The following GPBP1 variants were observed in gnomAD, a reference collection of about 807,000 sequenced individuals.
GPBP1 encodes GC-rich promoter binding protein 1.
GPBP1 carries 13 observed loss-of-function variants against 56.5 expected under a neutral mutation model. The ratio of observed to expected loss-of-function variants is 0.23; its 90% confidence interval spans 0.15 to 0.37. The LOEUF (loss-of-function observed/expected upper bound fraction) is 0.37, where lower values mean the gene tolerates loss of function less well. Among genes scored for constraint, GPBP1 ranks in the 10% least tolerant of loss-of-function variants. The pLI is 1.00. For missense variants in GPBP1, 477 were observed against 572.3 expected (o/e 0.83, Z 1.70); for synonymous variants, 204 against 188.9 (o/e 1.08, Z -0.66).
intron 2 of GPBP1, among the ~76,000 whole-genome samples, chr5:57,197,360 C>CTTT (rs34110209): frequency 0.011 from 1,366 of 119,824 alleles, 72 homozygotes; most frequent in African/African-American, 0.042. Context: ...TATCATTTTG[C>CTTT]TTTTTTTTTT....
chr5:57,247,685 A>G (rs1055680256), intron 8 of GPBP1, among the ~76,000 whole-genome samples: 1 of 152,118 alleles, frequency 6.6e-6, no homozygotes, highest in African/African-American at 2.4e-5. Flanking sequence ...ACCCTGTCTC[A>G]AAAGTGGTGG....
chr5:57,193,740 G>A (rs1472237490), intron 2 of GPBP1, among the ~76,000 whole-genome samples: 1 of 151,674 alleles, frequency 6.6e-6, no homozygotes, highest in Non-Finnish European at 1.5e-5. Context: ...TGGGATGATT[G>A]GTCTTTAGCC....
chr5:57,219,418 A>AC lies in GPBP1; in HGVS notation c.63+5226dup, dbSNP rs1561348480. Among the ~76,000 whole-genome samples, 13 of 33,442 alleles carry AC rather than the reference A, an allele frequency of 3.9e-4. 1 individual carries two copies. The highest frequency in any genetic ancestry group is 4.8e-3 in the East Asian group (1 of 210). 21.9% of individuals were successfully genotyped at this position (33,442 alleles called of 152,430 possible). ...AAAAAAAAAAACCAAAAACAAACAA[A>AC]CAAAAAAAAAAACAACAAAACCACA... is the stretch of plus-strand genomic sequence containing the variant. On this transcript the variant is annotated intron_variant, in intron 3 of 11. Coordinates refer to ENST00000506184, the MANE Select transcript of GPBP1 (RefSeq NM_022913.4).
At chr5:57,220,101 T>A (rs570056588) in intron 3 of GPBP1, among the ~76,000 whole-genome samples, 42 of 151,694 alleles carry the variant, frequency 2.8e-4, no homozygotes, top group African/African-American at 1.0e-3. Flanking sequence ...AAAAAAAGCT[T>A]GTAAATACTT....
chr5:57,202,682 A>G (rs1032457139), intron 2 of GPBP1, among the ~76,000 whole-genome samples: 1 of 152,156 alleles, frequency 6.6e-6, no homozygotes, highest in Non-Finnish European at 1.5e-5. Flanking sequence ...GCTTGTCTAC[A>G]CTTCTAAGAG....
At chr5:57,181,867 CTG>C (rs919511219) in intron 2 of GPBP1, among the ~76,000 whole-genome samples, 9 of 152,274 alleles carry the variant, frequency 5.9e-5, no homozygotes, top group Non-Finnish European at 8.8e-5. Flanking sequence ...GTGGTTGTGA[CTG>C]TTTTTCAGTT....
Position 57,187,444 on chromosome 5 carries a change from C to A in GPBP1, c.-58+11044C>A, listed in dbSNP as rs115472550. Among the ~76,000 whole-genome samples the A allele has an allele frequency of 6.5e-3, 989 of 152,190 alleles. 12 individuals are homozygous for A. Among genetic ancestry groups the A allele is most frequent in the Middle Eastern group, 0.02 (6 of 294 alleles). ...ATTATGTGCTAGAGATTTCCTTTGC[C>A]TCAGGAAATGTTTGAGTGCCTATGG... On this transcript the variant is annotated intron_variant, in intron 2 of 11. Transcript: ENST00000506184.
intron 3 of GPBP1, among the ~76,000 whole-genome samples, chr5:57,218,903 A>G (rs1008188776): frequency 6.6e-6 from 1 of 152,198 alleles, no homozygotes; most frequent in Admixed American, 6.5e-5. Flanking sequence ...GGGTTTGAAG[A>G]TGGATCTTAG....
intron 2 of GPBP1, among the ~76,000 whole-genome samples, chr5:57,209,735 C>G (rs1379396505): frequency 2.0e-5 from 3 of 152,060 alleles, no homozygotes; most frequent in Non-Finnish European, 4.4e-5. Context: ...TTTTCTGCAT[C>G]AATTAAGATG....
chr5:57,215,259 C>T (rs1755653135), intron 3 of GPBP1, among the ~76,000 whole-genome samples: 1 of 152,168 alleles, frequency 6.6e-6, no homozygotes, highest in African/African-American at 2.4e-5. Context: ...TTAGTCCCTG[C>T]TGTACTCATT....
chr5:57,206,467 C>T (rs537152959), intron 2 of GPBP1, among the ~76,000 whole-genome samples: 4 of 152,188 alleles, frequency 2.6e-5, no homozygotes, highest in Middle Eastern at 3.4e-3. Flanking sequence ...AGCGCGATCC[C>T]GGCTCACTGC....
At position 57,251,008 on chromosome 5, in the gene GPBP1, A is replaced by G. The variant is rs754493808; in HGVS notation, c.1027A>G (p.Ile343Val). The change falls in exon 10 of 12, where the codon ATA becomes GTA. Residue 343 changes from isoleucine (I) to valine (V), a missense_variant. This residue lies in a region of GPBP1 where 414 missense variants were observed against 458.2 expected (regional missense o/e 0.90). Coordinates refer to ENST00000506184, the MANE Select transcript of GPBP1 (RefSeq NM_022913.4). ...NSNSTHQERD[I>V]NRNFDENEIP... Reference sequence around the variant, plus strand: ...CAATAGTACTCACCAAGAAAGGGATATAAACCGAAACTTCGATGAAAATGA... The same window carrying G: ...CAATAGTACTCACCAAGAAAGGGATGTAAACCGAAACTTCGATGAAAATGA... The G allele has an allele frequency of 2.5e-6, 4 of 1,612,808 alleles. No individual in the cohort carries two copies. Among genetic ancestry groups the G allele is most frequent in the Middle Eastern group, 3.3e-4 (2 of 6,056 alleles).
rs200589142 is a variant in GPBP1, at chr5:57,224,850, T to C, written c.64-5996T>C. ...ATGGAATCTAAATAATTCTAACTTA[T>C]TAGATTCTCTTGGGTTGACATCCTA... On this transcript the variant is annotated intron_variant, in intron 3 of 11. Coordinates refer to ENST00000506184, the MANE Select transcript of GPBP1 (RefSeq NM_022913.4). 8.6e-5 allele frequency among the ~76,000 whole-genome samples: 13 copies of C among 151,784 alleles called. No homozygotes were observed. The East Asian group carries it at 1.2e-3, about 14-fold the overall frequency.
At chr5:57,203,336 T>TAAAAAA (rs1755098128) in intron 2 of GPBP1, among the ~76,000 whole-genome samples, 1 of 152,180 alleles carries the variant, frequency 6.6e-6, no homozygotes, top group African/African-American at 2.4e-5. Flanking sequence ...GATAAAAATG[T>TAAAAAA]AAGTAAAGCA....
intron 2 of GPBP1, among the ~76,000 whole-genome samples, chr5:57,182,800 C>A (rs574986761): frequency 8.7e-4 from 132 of 152,294 alleles, no homozygotes; most frequent in African/African-American, 3.1e-3. Flanking sequence ...CCTCCTGCCT[C>A]AGCCTCCCAA....
chr5:57,215,262 T>C (rs560409286), intron 3 of GPBP1, among the ~76,000 whole-genome samples: 5 of 152,386 alleles, frequency 3.3e-5, no homozygotes, highest in East Asian at 1.9e-4. Flanking sequence ...GTCCCTGCTG[T>C]ACTCATTTTA....
intron 6 of GPBP1, among the ~76,000 whole-genome samples, chr5:57,242,319 T>C (rs1420882205): frequency 6.6e-6 from 1 of 152,224 alleles, no homozygotes; most frequent in East Asian, 1.9e-4. Flanking sequence ...TAATAATTAT[T>C]TGAATATGAA....
intron 2 of GPBP1, among the ~76,000 whole-genome samples, chr5:57,197,360 C>CTTTTTTTTTTTTTTTTTT (rs34110209): frequency 8.3e-6 from 1 of 119,882 alleles, no homozygotes; most frequent in African/African-American, 3.3e-5. Flanking sequence ...TATCATTTTG[C>CTTTTTTTTTTTTTTTTTT]TTTTTTTTTT....
At chr5:57,181,248 C>T (rs952679024) in intron 2 of GPBP1, among the ~76,000 whole-genome samples, 5 of 152,058 alleles carry the variant, frequency 3.3e-5, no homozygotes, top group Admixed American at 6.6e-5. Context: ...GGCAGGAGGA[C>T]TGCTTGAGCC....
Sources: gnomAD v4.1 joint callset for allele counts (sites outside exome capture counted in the v4.1 genomes callset) on GRCh38, gnomAD v4.1.1 for gene constraint, gnomAD v4.1.1 regional missense constraint, MANE v1.5 for transcripts, NCBI Gene and HGNC (gene_info 2026-07-23, HGNC 2026-07-21) for gene names.